BTLA: variants seen among roughly 807,000 people sequenced by gnomAD.
The protein encoded by BTLA is B- and T-lymphocyte attenuator.
Under a neutral mutation model 25.0 loss-of-function variants are expected in BTLA, and 11 were observed. The ratio of observed to expected loss-of-function variants is 0.44; its 90% confidence interval spans 0.28 to 0.73. The LOEUF (loss-of-function observed/expected upper bound fraction) is 0.73. Ranked by LOEUF, BTLA falls within the 30% of genes least tolerant of loss-of-function variation. The pLI, the probability that BTLA is intolerant of heterozygous loss-of-function variation, is 0.15. For synonymous variants in BTLA, 104 were observed against 119.8 expected (o/e 0.87, Z 0.86); for missense variants, 282 against 332.8 (o/e 0.85, Z 1.19).
Position 112,487,193 on chromosome 3 carries a change from A to G in BTLA, c.89-7424T>C, listed in dbSNP as rs1576688540. Among the ~76,000 whole-genome samples, 5 of 152,384 alleles carry G rather than the reference A, an allele frequency of 3.3e-5. 1 individual carries two copies. Among genetic ancestry groups the G allele is most frequent in the African/African-American group, 1.2e-4 (5 of 41,598 alleles). On this transcript the variant is annotated intron_variant, in intron 1 of 4. Transcript: ENST00000334529. The stretch of plus-strand genomic sequence containing the variant: ...GTTTACATATATATCATAAAACTCA[A>G]CAGTAACCATAGTATTTAGAACTTA...
chr3:112,471,297 G>C lies in BTLA; in HGVS notation c.462C>G (p.Leu154=). 2.5e-6 allele frequency: 4 copies of C among 1,614,072 alleles called. No homozygotes were observed. The highest frequency in any genetic ancestry group is 3.4e-6 in the Non-Finnish European group (4 of 1,179,936). ...CCCCCAAAGGAAGTAAACGATACAG[G>C]AGCCAGGGTCTGCTTGCCATTTCGT... ...SKDEMASRPW[L]LYRLLPLGGL... is the part of the protein sequence containing the mutation. Residue 154 remains leucine (L), a synonymous_variant, in exon 3 of 5, where the codon CTC becomes CTG. Coordinates refer to ENST00000334529, the MANE Select transcript of BTLA (RefSeq NM_181780.4).
At chr3:112,480,741 A>C (rs1025069735) in intron 1 of BTLA, among the ~76,000 whole-genome samples, 2 of 152,178 alleles carry the variant, frequency 1.3e-5, no homozygotes, top group African/African-American at 4.8e-5. Flanking sequence ...CTGTTACAAT[A>C]GCAATAAAAT....
chr3:112,491,691 A>G (rs1309805527), intron 1 of BTLA, among the ~76,000 whole-genome samples: 3 of 152,184 alleles, frequency 2.0e-5, no homozygotes, highest in Admixed American at 2.0e-4. Context: ...AAAGTACCAG[A>G]TATTATTATG....
In BTLA at chr3:112,465,989, G is replaced by A; in HGVS notation, c.*119C>T. On this transcript the variant is annotated 3_prime_UTR_variant, in exon 5 of 5. Transcript: ENST00000334529. ...ACCCTTAAGACCCAAGCACTAACAT[G>A]AACATTTCTAAAGTAAAAATTCTCA... 2 of 1,188,724 alleles carry A rather than the reference G, an allele frequency of 1.7e-6. No homozygotes were observed. Among genetic ancestry groups the A allele is most frequent in the Admixed American group, 4.9e-5 (2 of 40,556 alleles). The allele number at this position is 1,188,724 out of a possible 1,614,324, so 73.6% of individuals were successfully genotyped here.
chr3:112,481,288 ACT>A (rs2082316709), intron 1 of BTLA, among the ~76,000 whole-genome samples: 1 of 151,760 alleles, frequency 6.6e-6, no homozygotes, highest in South Asian at 2.1e-4. Flanking sequence ...ATGGGAGTGG[ACT>A]CTTCCTGGGC....
Position 112,499,411 on chromosome 3 carries a change from G to T in BTLA, c.-53C>A. The T allele has an allele frequency of 1.3e-6, 2 of 1,512,258 alleles. No homozygotes were observed. The highest frequency in any genetic ancestry group is 1.8e-6 in the Non-Finnish European group (2 of 1,098,214). The allele number at this position is 1,512,258 out of a possible 1,614,324, so 93.7% of individuals were successfully genotyped here. ...CTGCTCAAGTAGAAGGCTTTGCTTC[G>T]TCTTCTGAGTGCTGCAGAGTTGGGT... is the stretch of plus-strand genomic sequence containing the variant. On this transcript the variant is annotated 5_prime_UTR_variant, in exon 1 of 5. Coordinates refer to ENST00000334529, the MANE Select transcript of BTLA (RefSeq NM_181780.4).
chr3:112,468,973 TC>T (rs1223630121), intron 4 of BTLA, among the ~76,000 whole-genome samples: 1 of 152,246 alleles, frequency 6.6e-6, no homozygotes, highest in African/African-American at 2.4e-5. Context: ...TACTTCTTTA[TC>T]ACTATTCCTC....
chr3:112,490,719 G>A (rs1318524054), intron 1 of BTLA, among the ~76,000 whole-genome samples: 1 of 40,394 alleles, frequency 2.5e-5, no homozygotes, highest in Non-Finnish European at 4.7e-5. Flanking sequence ...CTACATTTAT[G>A]CCCATTATTT....
intron 1 of BTLA, among the ~76,000 whole-genome samples, chr3:112,489,817 G>T (rs1050794679): frequency 1.3e-5 from 2 of 152,206 alleles, no homozygotes; most frequent in Admixed American, 6.5e-5. Context: ...CATCCAGATG[G>T]TATGTTCTGC....
intron 2 of BTLA, among the ~76,000 whole-genome samples, chr3:112,476,387 G>A (rs1417592804): frequency 2.0e-5 from 3 of 152,252 alleles, no homozygotes; most frequent in South Asian, 4.1e-4. Flanking sequence ...CCTTCACTGG[G>A]CTACTTTAAG....
At chr3:112,476,077 T>A (rs940002528) in intron 2 of BTLA, among the ~76,000 whole-genome samples, 1 of 152,182 alleles carries the variant, frequency 6.6e-6, no homozygotes, top group African/African-American at 2.4e-5. Flanking sequence ...CAAAGAAATA[T>A]TTAGTGAGCC....
At chr3:112,498,799 A>T (rs1262079906) in intron 1 of BTLA, among the ~76,000 whole-genome samples, 2 of 152,054 alleles carry the variant, frequency 1.3e-5, no homozygotes, top group African/African-American at 4.8e-5. Flanking sequence ...TAGAGATTTT[A>T]TTTAGAGGTA....
At chr3:112,499,083 G>T (rs2082426987) in intron 1 of BTLA, among the ~76,000 whole-genome samples, 188 bp downstream of exon 1, 1 of 152,174 alleles carries the variant, frequency 6.6e-6, no homozygotes, top group South Asian at 2.1e-4. Flanking sequence ...GATTAGGCAG[G>T]TGAATACTAT....
rs755141273 is a variant in BTLA at position 112,466,389 on chromosome 3, A to G, written c.595-6T>C. ...CTCTTAAGGTGAGCATCAACCTACA[A>G]TAGAAAAAAAGATGGTTTTAAGTGA... On this transcript the variant is annotated splice_polypyrimidine_tract_variant and splice_region_variant and intron_variant, in intron 4 of 4. Coordinates refer to ENST00000334529, the MANE Select transcript of BTLA (RefSeq NM_181780.4). 13 of 1,559,962 alleles carry G rather than the reference A, an allele frequency of 8.3e-6. No homozygotes were observed. In the South Asian group the frequency reaches 1.1e-4, roughly 13 times the overall value.
At chr3:112,494,146 A>G (rs1054932885) in intron 1 of BTLA, among the ~76,000 whole-genome samples, 3 of 152,210 alleles carry the variant, frequency 2.0e-5, no homozygotes, top group African/African-American at 7.2e-5. Context: ...ACCAACAAAC[A>G]TAAGAATAAA....
chr3:112,476,735 A>G (rs914520971), intron 2 of BTLA, among the ~76,000 whole-genome samples: 4 of 152,200 alleles, frequency 2.6e-5, no homozygotes, highest in African/African-American at 4.8e-5. Context: ...GTACAATTAA[A>G]TGGCATGTAA....
At chr3:112,486,252 G>A (rs2082347420) in intron 1 of BTLA, among the ~76,000 whole-genome samples, 1 of 152,240 alleles carries the variant, frequency 6.6e-6, no homozygotes, top group South Asian at 2.1e-4. Flanking sequence ...ACCACTAGTG[G>A]TATATATATT....
chr3:112,472,500 C>T (rs1187409020), intron 2 of BTLA, among the ~76,000 whole-genome samples: 1 of 151,876 alleles, frequency 6.6e-6, no homozygotes, highest in East Asian at 1.9e-4. Context: ...AGTTCGAGAC[C>T]AGCATGGCCA....
At chr3:112,490,059 G>A (rs1278834005) in intron 1 of BTLA, among the ~76,000 whole-genome samples, 4 of 152,150 alleles carry the variant, frequency 2.6e-5, no homozygotes, top group Admixed American at 2.0e-4. Context: ...TCACACGGAC[G>A]ACATCAGAAA....
Sources: allele counts gnomAD v4.1 joint callset (sites outside exome capture counted in the v4.1 genomes callset), GRCh38; gene constraint gnomAD v4.1.1; transcripts MANE v1.5; gene names NCBI Gene and HGNC (gene_info 2026-07-23, HGNC 2026-07-21).